Variants in SPOCK1 observed in about 807,000 individuals in gnomAD.
SPOCK1 encodes the protein testican-1.
Under a neutral mutation model 55.3 loss-of-function variants are expected in SPOCK1, and 23 were observed. The ratio of observed to expected loss-of-function variants is 0.42; its 90% confidence interval spans 0.30 to 0.59. The LOEUF (loss-of-function observed/expected upper bound fraction) is 0.59. Among genes scored for constraint, SPOCK1 ranks in the 20% least tolerant of loss-of-function variants. The pLI is 0.22. For missense variants in SPOCK1, 499 were observed against 552.5 expected, an observed-to-expected ratio of 0.90 and a Z score of 0.97; for synonymous variants, 226 against 221.0, an observed-to-expected ratio of 1.02 and a Z score of -0.20.
At position 137,329,841 on chromosome 5, in the gene SPOCK1, AG is replaced by A. The variant is rs1282004122; in HGVS notation, c.187-62787del. 5.9e-5 allele frequency among the ~76,000 whole-genome samples: 9 copies of A among 152,284 alleles called. No homozygotes were observed. The South Asian group carries it at 1.9e-3, about 32-fold the overall frequency. ...CAGGTCTCCTCACCTAAATGAATCTAGGTAAGGATCTGAAAGAGACTGAACA... is the reference window on the plus strand; with the variant it reads ...CAGGTCTCCTCACCTAAATGAATCTAGTAAGGATCTGAAAGAGACTGAACA... On this transcript the variant is annotated intron_variant, in intron 2 of 10. Transcript: ENST00000394945.
At chr5:137,232,000 T>G (rs1304899551) in intron 3 of SPOCK1, among the ~76,000 whole-genome samples, 1 of 152,238 alleles carries the variant, frequency 6.6e-6, no homozygotes, top group Non-Finnish European at 1.5e-5. Flanking sequence ...TCTGTATATA[T>G]TCTCCTTGGT....
rs1299185503 is a variant in SPOCK1, at chr5:137,067,034, C to A, written c.589+681G>T. On this transcript the variant is annotated intron_variant, in intron 6 of 10. Coordinates refer to ENST00000394945, the MANE Select transcript of SPOCK1 (RefSeq NM_004598.4). ...GAAATGCAACAATTTCCAAGAAAAG[C>A]CAACTACAGCTGAGAAAGCTGAATT... is the stretch of plus-strand genomic sequence containing the variant. 2.0e-5 allele frequency among the ~76,000 whole-genome samples: 3 copies of A among 147,870 alleles called. No homozygotes were observed. In the East Asian group the frequency reaches 6.0e-4, roughly 29 times the overall value.
At chr5:137,028,487 GC>G (rs1313396433) in intron 6 of SPOCK1, among the ~76,000 whole-genome samples, 1 of 152,154 alleles carries the variant, frequency 6.6e-6, no homozygotes, top group East Asian at 1.9e-4. Flanking sequence ...CCTTGAGCTT[GC>G]TGCCAGCATC....
At chr5:137,307,928 G>A (rs1036637182) in intron 2 of SPOCK1, among the ~76,000 whole-genome samples, 7 of 152,142 alleles carry the variant, frequency 4.6e-5, no homozygotes. Context: ...ACTAAACCAG[G>A]TATGCATTTC....
chr5:137,423,451 CA>C (rs1752544174), intron 2 of SPOCK1, among the ~76,000 whole-genome samples: 1 of 152,228 alleles, frequency 6.6e-6, no homozygotes, highest in African/African-American at 2.4e-5. Flanking sequence ...GCTTCCTGGC[CA>C]CTTTGTTTAC....
Position 136,975,567 on chromosome 5 carries a change from G to A in SPOCK1, c.*3087C>T, listed in dbSNP as rs913752134. 1.3e-5 allele frequency: 2 copies of A among 152,210 alleles called. No individual in the cohort carries two copies. Among genetic ancestry groups the A allele is most frequent in the African/African-American group, 4.8e-5 (2 of 41,398 alleles). 9.4% of individuals were successfully genotyped at this position (152,210 alleles called of 1,614,324 possible). On this transcript the variant is annotated 3_prime_UTR_variant, in exon 11 of 11. Coordinates refer to ENST00000394945, the MANE Select transcript of SPOCK1 (RefSeq NM_004598.4). ...TGACTTTGAGAAAAAGTTATAAAAA[G>A]ACCAAAACCACCCACTGTAGAATGG...
At chr5:137,136,037 C>G (rs1317370134) in intron 4 of SPOCK1, among the ~76,000 whole-genome samples, 1 of 152,184 alleles carries the variant, frequency 6.6e-6, no homozygotes, top group East Asian at 1.9e-4. Flanking sequence ...AATATTTTCA[C>G]TCAGAGTGAC....
chr5:137,420,043 A>G (rs868231220), intron 2 of SPOCK1, among the ~76,000 whole-genome samples: 2 of 152,188 alleles, frequency 1.3e-5, no homozygotes, highest in Non-Finnish European at 2.9e-5. Flanking sequence ...TTCTGCATCT[A>G]TTGAGATAAT....
intron 3 of SPOCK1, among the ~76,000 whole-genome samples, chr5:137,192,842 A>G (rs768447487): frequency 6.6e-6 from 1 of 152,260 alleles, no homozygotes; most frequent in Non-Finnish European, 1.5e-5. Flanking sequence ...AATATGTGCA[A>G]AATAATAGTA....
chr5:137,028,688 A>G (rs998037290), intron 6 of SPOCK1, among the ~76,000 whole-genome samples: 15 of 152,188 alleles, frequency 9.9e-5, no homozygotes, highest in African/African-American at 3.4e-4. Flanking sequence ...CAGAGAAGTG[A>G]ATGACAGAAC....
intron 5 of SPOCK1, among the ~76,000 whole-genome samples, chr5:137,078,257 T>C (rs991409335): frequency 6.6e-6 from 1 of 152,182 alleles, no homozygotes; most frequent in Non-Finnish European, 1.5e-5. Flanking sequence ...TCTGAGGTGC[T>C]GGCACCTGCT....
At chr5:137,474,376 C>G (rs34252259) in intron 2 of SPOCK1, among the ~76,000 whole-genome samples, 2 of 151,894 alleles carry the variant, frequency 1.3e-5, no homozygotes, top group Non-Finnish European at 2.9e-5. Context: ...TCTCACTGTG[C>G]GAAAAATAAA....
chr5:137,453,744 T>G (rs1300007435), intron 2 of SPOCK1, among the ~76,000 whole-genome samples: 1 of 152,144 alleles, frequency 6.6e-6, no homozygotes, highest in Non-Finnish European at 1.5e-5. Context: ...TATGCCACAA[T>G]AGTGATGCAA....
chr5:137,249,361 T>C (rs1756462837), intron 3 of SPOCK1, among the ~76,000 whole-genome samples: 2 of 152,194 alleles, frequency 1.3e-5, no homozygotes, highest in African/African-American at 4.8e-5. Context: ...AACAATGGAA[T>C]CATGGTTAAA....
chr5:137,041,504 A>T (rs182006889), intron 6 of SPOCK1, among the ~76,000 whole-genome samples: 2 of 152,318 alleles, frequency 1.3e-5, no homozygotes, highest in Non-Finnish European at 2.9e-5. Context: ...TCTGTGAATG[A>T]CACTGTTAAG....
chr5:137,326,931 C>G (rs753070267), intron 2 of SPOCK1, among the ~76,000 whole-genome samples: 5 of 152,164 alleles, frequency 3.3e-5, no homozygotes, highest in Non-Finnish European at 7.3e-5. Flanking sequence ...ACATACTGTA[C>G]TAAACCTCAT....
At chr5:137,238,331 T>C (rs1430241763) in intron 3 of SPOCK1, among the ~76,000 whole-genome samples, 2 of 152,212 alleles carry the variant, frequency 1.3e-5, no homozygotes, top group Non-Finnish European at 2.9e-5. Context: ...ACATACACAC[T>C]GCAGTCCTTG....
chr5:137,114,709 G>C (rs924634240), intron 4 of SPOCK1, among the ~76,000 whole-genome samples: 2 of 152,200 alleles, frequency 1.3e-5, no homozygotes, highest in African/African-American at 4.8e-5. Context: ...CAGAACACTA[G>C]ACTTAATCAT....
chr5:137,174,415 C>T (rs1754813711), intron 3 of SPOCK1, among the ~76,000 whole-genome samples: 1 of 152,232 alleles, frequency 6.6e-6, no homozygotes, highest in Non-Finnish European at 1.5e-5. Flanking sequence ...TCCCTGCAGG[C>T]TTCTTTCCCT....
Sources: allele counts gnomAD v4.1 joint callset (sites outside exome capture counted in the v4.1 genomes callset), GRCh38; gene constraint gnomAD v4.1.1; transcripts MANE v1.5; gene names NCBI Gene and HGNC (gene_info 2026-07-23, HGNC 2026-07-21).